The following WDR27 variants were observed in gnomAD, a reference collection of about 807,000 sequenced individuals.
WDR27 encodes the protein WD repeat-containing protein 27.
A neutral mutation model predicts 114.4 loss-of-function variants in WDR27; 100 were observed. That is an observed-to-expected ratio of 0.87 (90% CI 0.74 to 1.03). WDR27 has a LOEUF of 1.03. Among genes scored for constraint, WDR27 ranks in the 50% least tolerant of loss-of-function variants. The pLI, the probability that WDR27 is intolerant of heterozygous loss-of-function variation, is 0.00. For missense variants in WDR27, 1,129 were observed against 1,092.9 expected (o/e 1.03, Z -0.47); for synonymous variants, 449 against 423.1 (o/e 1.06, Z -0.75).
At chr6:169,476,873 T>C (rs527850462) in intron 25 of WDR27, among the ~76,000 whole-genome samples, 3 of 152,340 alleles carry the variant, frequency 2.0e-5, no homozygotes, top group African/African-American at 7.2e-5. Flanking sequence ...TCAAATCATC[T>C]GCAAATAATG....
chr6:169,615,493 C>T lies in WDR27; in HGVS notation c.2224-1837G>A, dbSNP rs116377163. Among the ~76,000 whole-genome samples, 343 of 152,140 alleles carry T rather than the reference C, an allele frequency of 2.3e-3. 3 individuals carry two copies. Among genetic ancestry groups the T allele is most frequent in the African/African-American group, 7.7e-3 (321 of 41,490 alleles). The stretch of plus-strand genomic sequence containing the variant: ...GATAATAAAGCCACATACCTACGAC[C>T]GACTGATATTCAACAAAGCCGACAA... On this transcript the variant is annotated intron_variant, in intron 21 of 25. Transcript: ENST00000448612.
the WDR27 span, among the ~76,000 whole-genome samples, chr6:169,428,669 C>G: frequency 6.6e-6 from 1 of 152,060 alleles, no homozygotes; most frequent in African/African-American, 2.4e-5. Context: ...AAGGGAGGCA[C>G]ATTTCCCAAA....
intron 25 of WDR27, among the ~76,000 whole-genome samples, chr6:169,531,046 T>G (rs1259452302): frequency 2.6e-5 from 4 of 152,206 alleles, no homozygotes; most frequent in Admixed American, 6.5e-5. Flanking sequence ...TCTGTGTTTT[T>G]CACTAGATTA....
At chr6:169,548,142 T>C (rs553421788) in intron 25 of WDR27, among the ~76,000 whole-genome samples, 4 of 152,230 alleles carry the variant, frequency 2.6e-5, no homozygotes, top group Non-Finnish European at 5.9e-5. Flanking sequence ...ACAAGGTCTA[T>C]ATGAGGAAAA....
At chr6:169,656,587 C>T (rs1001025897) in intron 13 of WDR27, among the ~76,000 whole-genome samples, 29 of 152,016 alleles carry the variant, frequency 1.9e-4, no homozygotes, top group African/African-American at 5.8e-4. Flanking sequence ...ACGAGGAGGC[C>T]GGGAGGGATC....
At chr6:169,694,610 G>A (rs1437669520) in intron 1 of WDR27, among the ~76,000 whole-genome samples, 1 of 152,222 alleles carries the variant, frequency 6.6e-6, no homozygotes, top group Non-Finnish European at 1.5e-5. Context: ...TCTCAGAAGA[G>A]AAAGCAAGCT....
intron 2 of WDR27, among the ~76,000 whole-genome samples, chr6:169,687,470 T>A (rs1783309685): frequency 6.6e-6 from 1 of 152,116 alleles, no homozygotes; most frequent in Admixed American, 6.5e-5. Context: ...AAATGGCCAA[T>A]AAATGTGCTA....
At chr6:169,687,620 T>C (rs943746178) in intron 2 of WDR27, among the ~76,000 whole-genome samples, 2 of 152,104 alleles carry the variant, frequency 1.3e-5, no homozygotes, top group Admixed American at 1.3e-4. Flanking sequence ...GAAATACAGA[T>C]TGGTACAACC....
intron 25 of WDR27, among the ~76,000 whole-genome samples, chr6:169,511,716 T>A (rs1479341779): frequency 6.6e-5 from 10 of 152,158 alleles, no homozygotes; most frequent in Admixed American, 6.5e-4. Context: ...ATTTGCCAAC[T>A]CTTGCTCTAG....
chr6:169,529,793 T>G (rs1362155641), intron 25 of WDR27, among the ~76,000 whole-genome samples: 1 of 152,218 alleles, frequency 6.6e-6, no homozygotes, highest in Non-Finnish European at 1.5e-5. Context: ...TTGTATCTTT[T>G]CCCTTGGTAT....
chr6:169,581,612 C>G (rs9295013), intron 24 of WDR27, among the ~76,000 whole-genome samples: 68,680 of 152,220 alleles, frequency 0.45, 19,590 homozygotes, highest in Non-Finnish European at 0.64. Flanking sequence ...AAATTCCCAT[C>G]TGGAGCAGAC....
At chr6:169,637,682 AGT>A (rs59333627) in intron 18 of WDR27, among the ~76,000 whole-genome samples, 5,795 of 150,564 alleles carry the variant, frequency 0.038, 372 homozygotes, top group African/African-American at 0.13. Flanking sequence ...CAAGTATGTA[AGT>A]GTGTGTATGC....
intron 25 of WDR27, among the ~76,000 whole-genome samples, chr6:169,526,660 AT>A (rs1203571789): frequency 2.0e-5 from 3 of 152,200 alleles, no homozygotes; most frequent in African/African-American, 7.2e-5. Flanking sequence ...ATCCAAAAAA[AT>A]AAATGAAATT....
At chr6:169,522,158 C>A (rs76951912) in intron 25 of WDR27, among the ~76,000 whole-genome samples, 6,297 of 151,858 alleles carry the variant, frequency 0.041, 362 homozygotes, top group African/African-American at 0.13. Context: ...ATATAACTAG[C>A]AACCAAAAAA....
chr6:169,659,265 C>T lies in WDR27; in HGVS notation c.1198-58G>A, dbSNP rs546103115. The stretch of plus-strand genomic sequence containing the variant: ...CACCACCCAGTAAAAGCAGACGAAA[C>T]GTGCATCCGCACACGTATCCTAACA... On this transcript the variant is annotated intron_variant, in intron 11 of 25. Coordinates refer to ENST00000448612, the MANE Select transcript of WDR27 (RefSeq NM_182552.5). The surrounding 1 kb of genome is among the most constrained non-coding windows in gnomAD (Gnocchi z 4.3). The T allele has an allele frequency of 1.9e-5, 29 of 1,558,492 alleles. No homozygotes were observed. The East Asian group carries it at 4.3e-4, about 23-fold the overall frequency.
intron 25 of WDR27, among the ~76,000 whole-genome samples, chr6:169,535,072 T>A (rs1211363663): frequency 6.6e-6 from 1 of 152,018 alleles, no homozygotes; most frequent in Non-Finnish European, 1.5e-5. Flanking sequence ...ACAGCACCAA[T>A]CCAGGATTCA....
intron 25 of WDR27, among the ~76,000 whole-genome samples, chr6:169,462,855 C>A (rs1033782284): frequency 1.3e-5 from 2 of 152,032 alleles, no homozygotes; most frequent in African/African-American, 4.8e-5. Context: ...ATTAATGATA[C>A]AAAACCCACA....
At chr6:169,591,452 G>C (rs1255317293) in intron 23 of WDR27, among the ~76,000 whole-genome samples, 1 of 152,126 alleles carries the variant, frequency 6.6e-6, no homozygotes, top group African/African-American at 2.4e-5. Flanking sequence ...TTACCAAGTA[G>C]GGTATTTGGT....
chr6:169,674,629 C>T (rs938823938), intron 2 of WDR27, among the ~76,000 whole-genome samples: 52 of 152,198 alleles, frequency 3.4e-4, no homozygotes, highest in African/African-American at 1.2e-3. Context: ...GGGTCCACAA[C>T]GTTTGGGAGG....
Sources: allele counts gnomAD v4.1 joint callset (sites outside exome capture counted in the v4.1 genomes callset), GRCh38; gene constraint gnomAD v4.1.1; non-coding constraint Gnocchi (gnomAD v3.1); transcripts MANE v1.5; gene names NCBI Gene and HGNC (gene_info 2026-07-23, HGNC 2026-07-21).